Variants in JAKMIP3 observed in about 807,000 individuals in gnomAD.
The protein encoded by JAKMIP3 is Janus kinase and microtubule interacting protein 3.
A neutral mutation model predicts 118.5 loss-of-function variants in JAKMIP3; 58 were observed. The observed-to-expected ratio is 0.49, with a 90% CI of 0.40 to 0.61. The LOEUF (loss-of-function observed/expected upper bound fraction) is 0.61, where lower values mean the gene tolerates loss of function less well. JAKMIP3 is among the 20% of genes least tolerant of loss of function. The probability of loss-of-function intolerance (pLI) is 0.00; values close to 1 mark genes in which losing one functional copy is unlikely to be tolerated. For synonymous variants in JAKMIP3, 486 were observed against 451.2 expected, an observed-to-expected ratio of 1.08 and a Z score of -0.98; for missense variants, 950 against 1,109.0, an observed-to-expected ratio of 0.86 and a Z score of 2.04.
intron 1 of JAKMIP3, among the ~76,000 whole-genome samples, chr10:132,070,135 T>C (rs1443368599): frequency 6.8e-6 from 1 of 146,056 alleles, no homozygotes; most frequent in Non-Finnish European, 1.5e-5. Context: ...CTGTCTTCCA[T>C]TTTTTTTTTT....
Position 132,180,532 on chromosome 10 carries a change from T to TGTGTGTGTGTGTGTGTGC in JAKMIP3, c.*1104-1812_*1104-1811insTGTGCGTGTGTGTGTGTG, listed in dbSNP as rs1554962684. On this transcript the variant is annotated intron_variant, in intron 23 of 23. Coordinates refer to ENST00000684848, the MANE Select transcript of JAKMIP3 (RefSeq NM_001323087.2). ...AAACCTGGAAGCAGAACTGTGTGTG[T>TGTGTGTGTGTGTGTGTGC]GTGTGTGTGTGTGCGTGCGTGCATG... 1.6e-4 allele frequency among the ~76,000 whole-genome samples: 5 copies of TGTGTGTGTGTGTGTGTGC among 30,348 alleles called. 2 individuals are homozygous for TGTGTGTGTGTGTGTGTGC. Among genetic ancestry groups the TGTGTGTGTGTGTGTGTGC allele is most frequent in the Non-Finnish European group, 2.9e-4 (5 of 17,386 alleles). The allele number at this position is 30,348 out of a possible 152,430, so 19.9% of individuals were successfully genotyped here.
intron 3 of JAKMIP3, among the ~76,000 whole-genome samples, chr10:132,126,700 G>C (rs981440482): frequency 3.9e-5 from 6 of 152,084 alleles, no homozygotes; most frequent in African/African-American, 1.4e-4. Flanking sequence ...TTCATGAATG[G>C]TTATGGAATT....
intron 1 of JAKMIP3, among the ~76,000 whole-genome samples, chr10:132,097,903 T>TTCCCCGTTCCTTCCTTCCCTTTCTTTTC (rs1554928094): frequency 1.4e-5 from 1 of 72,874 alleles, no homozygotes; most frequent in Non-Finnish European, 3.0e-5. Context: ...CCCCTTCCCC[T>TTCCCCGTTCCTTCCTTCCCTTTCTTTTC]TCCCCTTCCC....
rs1002636248 is a variant in JAKMIP3 at position 132,118,028 on chromosome 10, G to A, written c.633+454G>A. Among the ~76,000 whole-genome samples the A allele has an allele frequency of 2.6e-5, 4 of 152,168 alleles. No individual in the cohort carries two copies. Among genetic ancestry groups the A allele is most frequent in the Admixed American group, 1.3e-4 (2 of 15,282 alleles). On this transcript the variant is annotated intron_variant, in intron 3 of 23. Transcript: ENST00000684848. The surrounding 1 kb of genome is among the most constrained non-coding windows in gnomAD (Gnocchi z 4.8). Reference sequence around the variant, plus strand: ...ACACATCCTCACGGGGGGACTCAGAGGGAATTCTCCAGTGATTCTCCAGTT... The same window carrying A: ...ACACATCCTCACGGGGGGACTCAGAAGGAATTCTCCAGTGATTCTCCAGTT...
At chr10:132,142,497 C>T (rs1304616246) in intron 11 of JAKMIP3, among the ~76,000 whole-genome samples, 1 of 152,202 alleles carries the variant, frequency 6.6e-6, no homozygotes, top group East Asian at 1.9e-4. Context: ...CCGGCCCCGG[C>T]CCCTCTCCCC....
intron 9 of JAKMIP3, 103 bp downstream of exon 9, chr10:132,138,281 C>T (rs564025738): frequency 2.5e-5 from 24 of 966,908 alleles, no homozygotes; most frequent in East Asian, 6.0e-5. Flanking sequence ...GAGAGGGGTG[C>T]GCCGGTGTAC....
chr10:132,152,552 C>T (rs962119351), intron 16 of JAKMIP3, among the ~76,000 whole-genome samples: 1 of 152,220 alleles, frequency 6.6e-6, no homozygotes, highest in Non-Finnish European at 1.5e-5. Context: ...CCACTGTTCC[C>T]AAGTGGTGTT....
intron 3 of JAKMIP3, among the ~76,000 whole-genome samples, chr10:132,129,275 A>G (rs1491192): frequency 0.16 from 24,870 of 152,102 alleles, 2,190 homozygotes; most frequent in East Asian, 0.35. Context: ...AGAATTCACT[A>G]TGATCTTCTA....
At chr10:132,139,205 T>A (rs2052644933) in intron 9 of JAKMIP3, among the ~76,000 whole-genome samples, 2 of 18,062 alleles carry the variant, frequency 1.1e-4, no homozygotes, top group Non-Finnish European at 2.3e-4. Context: ...TATGAGTGTG[T>A]GTGTGTATGT....
At chr10:132,139,292 CTGTGTATGTGTGTGAGTGTGTA>C (rs2052768033) in intron 9 of JAKMIP3, among the ~76,000 whole-genome samples, 2 of 106,974 alleles carry the variant, frequency 1.9e-5, no homozygotes, top group South Asian at 3.8e-4. Flanking sequence ...GTATATGCAT[CTGTGTATGTGTGTGAGTGTGTA>C]TGTGTATGTG....
chr10:132,095,961 G>A (rs928869109), intron 1 of JAKMIP3, among the ~76,000 whole-genome samples: 3 of 152,094 alleles, frequency 2.0e-5, no homozygotes, highest in African/African-American at 2.4e-5. Flanking sequence ...AGAATCCGCC[G>A]GCATACTGTC....
In JAKMIP3 at chr10:132,118,841, G is replaced by T. The variant is rs984135046; in HGVS notation, c.633+1267G>T. Among the ~76,000 whole-genome samples, 1 of 152,202 alleles carries T rather than the reference G, an allele frequency of 6.6e-6. No homozygotes were observed. Among genetic ancestry groups the T allele is most frequent in the Non-Finnish European group, 1.5e-5 (1 of 68,042 alleles). On this transcript the variant is annotated intron_variant, in intron 3 of 23. Coordinates refer to ENST00000684848, the MANE Select transcript of JAKMIP3 (RefSeq NM_001323087.2). The surrounding 1 kb of genome is among the most constrained non-coding windows in gnomAD (Gnocchi z 4.8). ...CATAAGAACCGGGTGCTTTCTTCGCGTGACACGATGCTTGCTTTTCTGTGC... is the reference window on the plus strand; with the variant it reads ...CATAAGAACCGGGTGCTTTCTTCGCTTGACACGATGCTTGCTTTTCTGTGC...
At chr10:132,063,800 A>T (rs918915841), upstream of JAKMIP3, among the ~76,000 whole-genome samples, 1 of 152,256 alleles carries the variant, frequency 6.6e-6, no homozygotes, top group African/African-American at 2.4e-5. Flanking sequence ...AATACATACA[A>T]TTCAGAAAGA....
At chr10:132,133,677 G>A in intron 4 of JAKMIP3, 150 bp downstream of exon 4, 2 of 682,548 alleles carry the variant, frequency 2.9e-6, no homozygotes, top group Non-Finnish European at 4.9e-6. Flanking sequence ...CACCCAGCCT[G>A]GCCCTAGGTG....
chr10:132,121,184 G>A (rs990072943), intron 3 of JAKMIP3, among the ~76,000 whole-genome samples: 5 of 152,124 alleles, frequency 3.3e-5, no homozygotes, highest in Non-Finnish European at 5.9e-5. Context: ...AGAGCTGGGG[G>A]TGCTGCTGGA....
intron 1 of JAKMIP3, among the ~76,000 whole-genome samples, chr10:132,098,111 C>A (rs1273993280): frequency 6.6e-6 from 1 of 151,178 alleles, no homozygotes; most frequent in Non-Finnish European, 1.5e-5. Context: ...TCACAGCTCA[C>A]TGTGGCCTTG....
Position 132,167,040 on chromosome 10 carries a change from T to C in JAKMIP3, c.*7T>C. Reference sequence around the variant, plus strand: ...TTTCATTCTCTGGTCATAGTCCGTCTTGGCACCCTGACGTGGTGAGTATTT... The same window carrying C: ...TTTCATTCTCTGGTCATAGTCCGTCCTGGCACCCTGACGTGGTGAGTATTT... On this transcript the variant is annotated 3_prime_UTR_variant, in exon 22 of 24. Transcript: ENST00000684848. 1 of 1,549,410 alleles carries C rather than the reference T, an allele frequency of 6.5e-7. No homozygotes were observed. The highest frequency in any genetic ancestry group is 8.7e-7 in the Non-Finnish European group (1 of 1,145,016).
chr10:132,128,562 A>G (rs888681845), intron 3 of JAKMIP3, among the ~76,000 whole-genome samples: 1 of 151,496 alleles, frequency 6.6e-6, no homozygotes, highest in Non-Finnish European at 1.5e-5. Context: ...TATACCTTAC[A>G]TTTTTCTTGA....
rs775140261 is a variant in JAKMIP3, at chr10:132,179,940, C to T, written c.*1104-2417C>T. The stretch of plus-strand genomic sequence containing the variant: ...CTGTGAGGTGCACACGGGGCACACA[C>T]TCCCTCCAGCAGCAAAACACAGCCC... On this transcript the variant is annotated intron_variant, in intron 23 of 23. Transcript: ENST00000684848. This position sits in a 1 kb window ranked among gnomAD's most constrained non-coding sequence, Gnocchi z 4.3. Among the ~76,000 whole-genome samples the T allele has an allele frequency of 2.1e-4, 32 of 152,218 alleles. No individual in the cohort carries two copies. Among genetic ancestry groups the T allele is most frequent in the Non-Finnish European group, 7.3e-5 (5 of 68,046 alleles).
Sources: allele counts gnomAD v4.1 joint callset (sites outside exome capture counted in the v4.1 genomes callset), GRCh38; gene constraint gnomAD v4.1.1; non-coding constraint Gnocchi (gnomAD v3.1); transcripts MANE v1.5; gene names NCBI Gene and HGNC (gene_info 2026-07-23, HGNC 2026-07-21).